The following CEP128 variants were observed in gnomAD, a reference collection of about 807,000 sequenced individuals.
The protein encoded by CEP128 is centrosomal protein 128.
CEP128 carries 132 observed loss-of-function variants against 156.7 expected under a neutral mutation model. The ratio of observed to expected loss-of-function variants is 0.84; its 90% confidence interval spans 0.73 to 0.97. The LOEUF (loss-of-function observed/expected upper bound fraction) is 0.97. CEP128 is among the 50% of genes least tolerant of loss of function. The pLI is 0.00. For missense variants in CEP128, 1,252 were observed against 1,281.9 expected (o/e 0.98, Z 0.36); for synonymous variants, 469 against 448.9 (o/e 1.04, Z -0.57).
chr14:80,886,094 G>T (rs1744469200), intron 8 of CEP128, among the ~76,000 whole-genome samples: 1 of 151,990 alleles, frequency 6.6e-6, no homozygotes, highest in African/African-American at 2.4e-5. Context: ...AGAGTGAAAA[G>T]GAACAAACAA....
intron 19 of CEP128, among the ~76,000 whole-genome samples, chr14:80,618,332 C>T (rs7156847): frequency 0.078 from 11,805 of 152,168 alleles, 541 homozygotes; most frequent in African/African-American, 0.12. Flanking sequence ...ATCTTATTTT[C>T]GAATTTAAAA....
chr14:80,597,088 C>A (rs531682676), intron 19 of CEP128, among the ~76,000 whole-genome samples: 1 of 150,228 alleles, frequency 6.7e-6, no homozygotes, highest in South Asian at 2.1e-4. Context: ...GAACAGGAGA[C>A]AATAGAGAAC....
intron 2 of CEP128, among the ~76,000 whole-genome samples, chr14:80,932,529 T>C (rs72693040): frequency 1.6e-3 from 244 of 152,268 alleles, no homozygotes; most frequent in Non-Finnish European, 3.1e-3. Flanking sequence ...CAACATCTTA[T>C]CTTTGTGAAG....
chr14:80,617,918 T>TA (rs1184509421), intron 19 of CEP128, among the ~76,000 whole-genome samples: 2 of 152,262 alleles, frequency 1.3e-5, no homozygotes, highest in African/African-American at 4.8e-5. Flanking sequence ...AAATCCCACT[T>TA]CACTTAATAA....
At chr14:80,666,821 C>T (rs1895636853) in intron 19 of CEP128, among the ~76,000 whole-genome samples, 1 of 150,390 alleles carries the variant, frequency 6.6e-6, no homozygotes, top group East Asian at 1.9e-4. Flanking sequence ...TAACAAATGA[C>T]GAAGAACAAA....
chr14:80,760,460 G>A (rs1899903665), intron 17 of CEP128, among the ~76,000 whole-genome samples: 1 of 151,894 alleles, frequency 6.6e-6, no homozygotes, highest in Admixed American at 6.6e-5. Context: ...GAAAAAAGAG[G>A]GGAACATAGT....
intron 16 of CEP128, among the ~76,000 whole-genome samples, chr14:80,770,105 C>G (rs1266384490): frequency 1.3e-5 from 2 of 152,196 alleles, no homozygotes; most frequent in Non-Finnish European, 2.9e-5. Flanking sequence ...GCCTTCTCCT[C>G]TAGACCCTTG....
At position 80,743,059 on chromosome 14, in the gene CEP128, A is replaced by C. The variant is rs748809094; in HGVS notation, c.2806+16T>G. 1.2e-6 allele frequency: 2 copies of C among 1,608,722 alleles called. No individual in the cohort carries two copies. Among genetic ancestry groups the C allele is most frequent in the Non-Finnish European group, 1.7e-6 (2 of 1,177,164 alleles). On this transcript the variant is annotated intron_variant, in intron 19 of 24. Coordinates refer to ENST00000555265, the MANE Select transcript of CEP128 (RefSeq NM_152446.5). ...AAATATAAACAAAGAAAAATGAAAG[A>C]ACAACTAACACACACCTCTCTTCTC...
downstream of CEP128, among the ~76,000 whole-genome samples, chr14:80,487,855 T>C (rs1451968268): frequency 6.6e-6 from 1 of 151,872 alleles, no homozygotes. Context: ...CATACCAGAA[T>C]CTCTGGGACA....
chr14:80,822,176 C>T (rs1379679949), intron 13 of CEP128, among the ~76,000 whole-genome samples: 1 of 152,118 alleles, frequency 6.6e-6, no homozygotes, highest in Non-Finnish European at 1.5e-5. Context: ...CATTTCAAAA[C>T]CAATCATGCC....
chr14:80,936,388 AAG>A, intron 2 of CEP128, among the ~76,000 whole-genome samples: 1 of 152,164 alleles, frequency 6.6e-6, no homozygotes, highest in East Asian at 1.9e-4. Context: ...TCTCAAAAGA[AAG>A]AGAGAAAGAG....
At chr14:80,683,304 G>C (rs1159406853) in intron 19 of CEP128, among the ~76,000 whole-genome samples, 3 of 152,066 alleles carry the variant, frequency 2.0e-5, no homozygotes, top group Non-Finnish European at 2.9e-5. Context: ...AAACAAAAGA[G>C]AGCAGGGATC....
At chr14:80,700,838 A>G (rs957563849) in intron 19 of CEP128, among the ~76,000 whole-genome samples, 9 of 152,164 alleles carry the variant, frequency 5.9e-5, no homozygotes, top group Admixed American at 2.6e-4. Context: ...TTGTTTCTTT[A>G]TATCCCATTT....
At chr14:80,821,009 T>C (rs1038986332) in intron 13 of CEP128, among the ~76,000 whole-genome samples, 3 of 152,180 alleles carry the variant, frequency 2.0e-5, no homozygotes, top group Non-Finnish European at 2.9e-5. Flanking sequence ...ATGTTGACCA[T>C]TGTTTATATT....
intron 9 of CEP128, among the ~76,000 whole-genome samples, chr14:80,853,138 T>TC (rs1886977908): frequency 6.6e-6 from 1 of 151,794 alleles, no homozygotes; most frequent in Non-Finnish European, 1.5e-5. Context: ...AACCTAGGAA[T>TC]AGAAGGCAAT....
At chr14:80,590,788 T>C (rs1398018434) in intron 19 of CEP128, among the ~76,000 whole-genome samples, 2 of 151,796 alleles carry the variant, frequency 1.3e-5, no homozygotes, top group East Asian at 1.9e-4. Context: ...GAGGGAACAT[T>C]TAAGACTAAC....
chr14:80,796,615 C>T (rs1312611193), intron 13 of CEP128, among the ~76,000 whole-genome samples: 7 of 152,178 alleles, frequency 4.6e-5, no homozygotes, highest in African/African-American at 1.7e-4. Flanking sequence ...AATCTCCTTT[C>T]CTGAGTCTCT....
chr14:80,533,598 G>A (rs1232216772), intron 21 of CEP128, among the ~76,000 whole-genome samples: 5 of 152,052 alleles, frequency 3.3e-5, no homozygotes, highest in Non-Finnish European at 2.9e-5. Context: ...ATGTTTTTGT[G>A]AGTGAATTTT....
chr14:80,524,242 T>G (rs1280678404), intron 23 of CEP128, among the ~76,000 whole-genome samples: 3 of 152,224 alleles, frequency 2.0e-5, no homozygotes, highest in Non-Finnish European at 4.4e-5. Flanking sequence ...AGTCTTACAC[T>G]GATTTCCTGG....
Sources: gnomAD v4.1 joint callset for allele counts (sites outside exome capture counted in the v4.1 genomes callset) on GRCh38, gnomAD v4.1.1 for gene constraint, MANE v1.5 for transcripts, NCBI Gene and HGNC (gene_info 2026-07-23, HGNC 2026-07-21) for gene names.